MTMR12: variants seen among roughly 807,000 people sequenced by gnomAD.
MTMR12 encodes myotubularin related protein 12.
A neutral mutation model predicts 96.7 loss-of-function variants in MTMR12; 33 were observed. The ratio of observed to expected loss-of-function variants is 0.34; its 90% CI spans 0.26 to 0.46. MTMR12 has a LOEUF of 0.46. Ranked by LOEUF, MTMR12 falls within the 20% of genes least tolerant of loss-of-function variation. MTMR12 has a pLI of 1.00. For synonymous variants in MTMR12, 298 were observed against 327.2 expected (o/e 0.91, Z 0.96); for missense variants, 721 against 896.1 (o/e 0.80, Z 2.49).
intron 10 of MTMR12, among the ~76,000 whole-genome samples, chr5:32,247,539 A>C (rs374184282): frequency 6.6e-6 from 1 of 152,180 alleles, no homozygotes; most frequent in African/African-American, 2.4e-5. Context: ...TACTTTGTAC[A>C]TTTCTGGTAG....
At chr5:32,246,734 A>G (rs1431945058) in intron 10 of MTMR12, among the ~76,000 whole-genome samples, 1 of 152,196 alleles carries the variant, frequency 6.6e-6, no homozygotes, top group African/African-American at 2.4e-5. Flanking sequence ...TAAAGCATCA[A>G]TAATTTCACC....
intron 1 of MTMR12, among the ~76,000 whole-genome samples, chr5:32,306,178 A>G (rs1417655642): frequency 6.6e-6 from 1 of 152,204 alleles, no homozygotes; most frequent in Non-Finnish European, 1.5e-5. Context: ...TGTAAGAATA[A>G]GAGAATGGGC....
intron 1 of MTMR12, chr5:32,296,464 G>A (rs746948686): frequency 5.4e-5 from 20 of 368,730 alleles, no homozygotes; most frequent in Non-Finnish European, 1.1e-4. Flanking sequence ...GGGCAACAGA[G>A]CAAGACCTTG....
Position 32,239,156 on chromosome 5 carries a change from G to A in MTMR12, c.1189C>T (p.Leu397Phe). 6.2e-7 allele frequency: 1 copy of A among 1,602,246 alleles called. No individual in the cohort carries two copies. Among genetic ancestry groups the A allele is most frequent in the Middle Eastern group, 1.7e-4 (1 of 6,026 alleles). The change falls in exon 13 of 16, where the codon CTC becomes TTC. Residue 397 changes from leucine to phenylalanine, a missense_variant. Physicochemically the swap from Leu to Phe is conservative, Grantham distance 22 (BLOSUM62 0). Coordinates refer to ENST00000382142, the MANE Select transcript of MTMR12 (RefSeq NM_001040446.3). ...ACCAGAGAGGAAATGAGACAGCAGA[G>A]GTCGGATGCATTCTCCTCTAGGAGA... ...VLLLEENASD[L>F]CCLISSLVQL...
chr5:32,284,179 A>C (rs961134078), intron 1 of MTMR12, among the ~76,000 whole-genome samples: 2 of 151,456 alleles, frequency 1.3e-5, no homozygotes, highest in Non-Finnish European at 1.5e-5. Flanking sequence ...TTAGCCAGGC[A>C]TGGTGGCATG....
At position 32,248,074 on chromosome 5, in the gene MTMR12, G is replaced by C; in HGVS notation, c.949C>G (p.Leu317Val). Residue 317 changes from leucine to valine, a missense_variant, in exon 10 of 16, where the codon CTG (leucine) becomes GTG (valine). Physicochemically the swap from Leu to Val is conservative, Grantham distance 32. Transcript: ENST00000382142. ...TGCAGGGACAGGAAGTTGCTTGACA[G>C]GTCTTCCGTTTTAACAATTTCATAG... is the stretch of plus-strand genomic sequence containing the variant. The part of the protein sequence containing the change: ...PPYEIVKTED[L>V]SSNFLSLQEI... The C allele has an allele frequency of 6.2e-7, 1 of 1,613,968 alleles. No individual in the cohort carries two copies. Among genetic ancestry groups the C allele is most frequent in the African/African-American group, 1.3e-5 (1 of 75,040 alleles).
At chr5:32,292,728 C>CA (rs1279387589) in intron 1 of MTMR12, among the ~76,000 whole-genome samples, 1 of 150,402 alleles carries the variant, frequency 6.6e-6, no homozygotes, top group Non-Finnish European at 1.5e-5. Context: ...CCAGACCCCT[C>CA]AGGAATAAAG....
At chr5:32,237,813 G>A (rs1162266036) in intron 13 of MTMR12, among the ~76,000 whole-genome samples, 6 of 151,676 alleles carry the variant, frequency 4.0e-5, no homozygotes, top group African/African-American at 1.2e-4. Flanking sequence ...CCTGGCCCCT[G>A]TGCTTTATTT....
At chr5:32,277,692 G>A (rs1380699866) in intron 1 of MTMR12, among the ~76,000 whole-genome samples, 1 of 143,698 alleles carries the variant, frequency 7.0e-6, no homozygotes, top group Non-Finnish European at 1.5e-5. Context: ...GTGGGACTCT[G>A]TCTCAAAAAA....
At chr5:32,307,780 A>G (rs1200954220) in intron 1 of MTMR12, among the ~76,000 whole-genome samples, 2 of 152,214 alleles carry the variant, frequency 1.3e-5, no homozygotes, top group Non-Finnish European at 1.5e-5. Context: ...TAAAAGCATA[A>G]TCTTAAAATA....
intron 8 of MTMR12, among the ~76,000 whole-genome samples, chr5:32,255,001 G>T (rs1421526781): frequency 2.6e-5 from 4 of 152,092 alleles, no homozygotes; most frequent in African/African-American, 9.7e-5. Context: ...GAGGGCCTCT[G>T]GTTCACCACA....
chr5:32,234,294 G>A (rs1748120514), intron 14 of MTMR12, among the ~76,000 whole-genome samples: 1 of 152,212 alleles, frequency 6.6e-6, no homozygotes, highest in African/African-American at 2.4e-5. Context: ...AGCTCTGAAA[G>A]CAGGGCTGTT....
chr5:32,261,661 G>A (rs1326595846), intron 7 of MTMR12, among the ~76,000 whole-genome samples: 1 of 152,180 alleles, frequency 6.6e-6, no homozygotes, highest in African/African-American at 2.4e-5. Context: ...GCTCCAAGAG[G>A]GCAGAGGTTT....
chr5:32,240,398 C>CA (rs72026064), intron 12 of MTMR12, among the ~76,000 whole-genome samples: 2,355 of 99,906 alleles, frequency 0.024, 72 homozygotes, highest in African/African-American at 0.079. Context: ...GACTCCGTCT[C>CA]AAAAAAAAAA....
chr5:32,273,886 G>A (rs1749943377), intron 3 of MTMR12, 94 bp downstream of exon 3: 1 of 1,534,912 alleles, frequency 6.5e-7, no homozygotes. Context: ...ATGTGTGTTA[G>A]GGGGTAGAGT....
intron 8 of MTMR12, among the ~76,000 whole-genome samples, chr5:32,255,164 C>T (rs1026765104): frequency 1.3e-5 from 2 of 152,184 alleles, no homozygotes; most frequent in Non-Finnish European, 2.9e-5. Context: ...TTACTAAATA[C>T]CCTGCAGGCC....
chr5:32,290,068 T>A (rs1750683806), intron 1 of MTMR12, among the ~76,000 whole-genome samples: 1 of 152,238 alleles, frequency 6.6e-6, no homozygotes, highest in Non-Finnish European at 1.5e-5. Flanking sequence ...GTGGTTTCAT[T>A]GCTTTAGCAA....
intron 6 of MTMR12, among the ~76,000 whole-genome samples, chr5:32,264,517 G>T (rs1581614238): frequency 6.6e-6 from 1 of 151,450 alleles, no homozygotes; most frequent in African/African-American, 2.4e-5. Context: ...CTGGAGTGCA[G>T]CGGCGTGATC....
At chr5:32,306,922 A>G (rs1751386348) in intron 1 of MTMR12, among the ~76,000 whole-genome samples, 1 of 152,192 alleles carries the variant, frequency 6.6e-6, no homozygotes, top group Non-Finnish European at 1.5e-5. Flanking sequence ...TAGCCCTTGT[A>G]CCCACAAAAT....
Sources: allele counts gnomAD v4.1 joint callset (sites outside exome capture counted in the v4.1 genomes callset), GRCh38; gene constraint gnomAD v4.1.1; transcripts MANE v1.5; gene names NCBI Gene and HGNC (gene_info 2026-07-23, HGNC 2026-07-21).